The following MOB3B variants were observed in gnomAD, a reference collection of about 807,000 sequenced individuals.
MOB3B encodes MOB kinase activator-like 2B.
In MOB3B, 7 loss-of-function variants were observed where a neutral mutation model predicts 18.7. The observed-to-expected ratio is 0.37, with a 90% CI of 0.21 to 0.70. MOB3B has a LOEUF of 0.70. Ranked by LOEUF, MOB3B falls within the 30% of genes least tolerant of loss-of-function variation. The pLI is 0.52. For synonymous variants in MOB3B, 111 were observed against 99.9 expected (o/e 1.11, Z -0.66); for missense variants, 253 against 281.3 (o/e 0.90, Z 0.72).
At chr9:27,428,389 T>C (rs114640875) in intron 2 of MOB3B, among the ~76,000 whole-genome samples, 5,324 of 152,252 alleles carry the variant, frequency 0.035, 280 homozygotes, top group African/African-American at 0.12. Flanking sequence ...ATGCCTGAAG[T>C]ACAACGTAGT....
At chr9:27,459,045 G>A (rs1383074919) in intron 1 of MOB3B, among the ~76,000 whole-genome samples, 1 of 151,738 alleles carries the variant, frequency 6.6e-6, no homozygotes, top group Non-Finnish European at 1.5e-5. Flanking sequence ...TGGCAATCCA[G>A]GATGGATAAT....
intron 2 of MOB3B, among the ~76,000 whole-genome samples, chr9:27,377,577 C>G (rs1305607321): frequency 2.6e-5 from 4 of 152,174 alleles, no homozygotes; most frequent in Non-Finnish European, 4.4e-5. Flanking sequence ...GCTGCACCCC[C>G]AGAGTTTCAG....
At chr9:27,346,316 G>A (rs1433129133) in intron 3 of MOB3B, among the ~76,000 whole-genome samples, 2 of 152,202 alleles carry the variant, frequency 1.3e-5, no homozygotes, top group African/African-American at 2.4e-5. Flanking sequence ...TTGTGTTATA[G>A]CAGCCCGAAT....
At chr9:27,340,353 A>G (rs966307635) in intron 3 of MOB3B, among the ~76,000 whole-genome samples, 4 of 152,232 alleles carry the variant, frequency 2.6e-5, no homozygotes, top group Non-Finnish European at 4.4e-5. Flanking sequence ...CCCTGCAAAC[A>G]TTAAAAATAA....
intron 3 of MOB3B, among the ~76,000 whole-genome samples, chr9:27,344,175 A>G (rs1305710288): frequency 6.6e-6 from 1 of 152,196 alleles, no homozygotes; most frequent in Non-Finnish European, 1.5e-5. Flanking sequence ...ATTTTTACAC[A>G]TAAGGCCATT....
At chr9:27,370,816 T>C (rs1237602921) in intron 2 of MOB3B, among the ~76,000 whole-genome samples, 1 of 152,220 alleles carries the variant, frequency 6.6e-6, no homozygotes, top group Non-Finnish European at 1.5e-5. Flanking sequence ...TTCCCCTGCT[T>C]GGGTTCCCCT....
chr9:27,446,141 C>T (rs188015357), intron 2 of MOB3B, among the ~76,000 whole-genome samples: 14 of 152,244 alleles, frequency 9.2e-5, no homozygotes, highest in South Asian at 2.1e-4. Flanking sequence ...AAGGCCTCTT[C>T]GCCAAGTTTT....
chr9:27,412,684 A>G (rs986126279), intron 2 of MOB3B, among the ~76,000 whole-genome samples: 7 of 152,236 alleles, frequency 4.6e-5, no homozygotes, highest in African/African-American at 1.4e-4. Flanking sequence ...TAGGAAGAGA[A>G]AGAAGACAGT....
intron 1 of MOB3B, among the ~76,000 whole-genome samples, chr9:27,508,630 C>T (rs1030675384): frequency 2.6e-5 from 4 of 151,808 alleles, no homozygotes; most frequent in African/African-American, 4.8e-5. Flanking sequence ...CACAAAAAAA[C>T]GAGTGAGATA....
chr9:27,381,056 CTCCTG>C (rs1347767561), intron 2 of MOB3B, among the ~76,000 whole-genome samples: 9 of 152,150 alleles, frequency 5.9e-5, no homozygotes, highest in Non-Finnish European at 1.2e-4. Context: ...AGGTTTCAGG[CTCCTG>C]AGCTGACAAG....
intron 1 of MOB3B, among the ~76,000 whole-genome samples, chr9:27,511,603 T>A (rs889770034): frequency 4.6e-5 from 7 of 152,130 alleles, no homozygotes; most frequent in African/African-American, 1.7e-4. Context: ...TTAAAAAAAA[T>A]AGCAAATTAA....
intron 3 of MOB3B, among the ~76,000 whole-genome samples, chr9:27,346,764 G>A (rs543200810): frequency 6.6e-6 from 1 of 152,300 alleles, no homozygotes; most frequent in East Asian, 1.9e-4. Flanking sequence ...GGAGGTCGAG[G>A]TGGATGGATC....
At chr9:27,470,094 T>C (rs1563876546) in intron 1 of MOB3B, among the ~76,000 whole-genome samples, 2 of 115,590 alleles carry the variant, frequency 1.7e-5, no homozygotes, top group Non-Finnish European at 3.4e-5. Flanking sequence ...GGGCACAGAG[T>C]GAGACCCTGT....
intron 2 of MOB3B, among the ~76,000 whole-genome samples, chr9:27,434,284 C>T (rs961323137): frequency 4.6e-5 from 7 of 152,172 alleles, no homozygotes; most frequent in African/African-American, 1.7e-4. Flanking sequence ...TCTTTCAACC[C>T]CCTCCTCTTG....
intron 2 of MOB3B, among the ~76,000 whole-genome samples, chr9:27,363,256 T>G (rs531697314): frequency 7.3e-4 from 111 of 152,102 alleles, no homozygotes; most frequent in Middle Eastern, 3.4e-3. Context: ...TTATTTCAGG[T>G]TTTTCGTTTT....
intron 2 of MOB3B, among the ~76,000 whole-genome samples, chr9:27,368,992 C>T (rs115239107): frequency 0.033 from 5,002 of 152,224 alleles, 159 homozygotes; most frequent in African/African-American, 0.081. Context: ...CAAGATAACC[C>T]GTGAAAGATA....
intron 2 of MOB3B, among the ~76,000 whole-genome samples, chr9:27,370,365 G>A (rs1026865809): frequency 5.9e-5 from 9 of 152,078 alleles, no homozygotes; most frequent in Middle Eastern, 3.4e-3. Context: ...AAAATTAGCC[G>A]GGCATGGTGG....
intron 1 of MOB3B, chr9:27,524,673 C>T (rs763352206): frequency 6.2e-7 from 1 of 1,613,950 alleles, no homozygotes; most frequent in East Asian, 2.2e-5. Context: ...ACACCTCAAA[C>T]AAATCCAAAT....
intron 2 of MOB3B, among the ~76,000 whole-genome samples, chr9:27,367,669 G>A (rs1821358364): frequency 6.6e-6 from 1 of 152,180 alleles, no homozygotes; most frequent in East Asian, 1.9e-4. Context: ...AATGGCAGCC[G>A]ATGTTACCAA....
Sources: gnomAD v4.1 joint callset for allele counts (sites outside exome capture counted in the v4.1 genomes callset) on GRCh38, gnomAD v4.1.1 for gene constraint, MANE v1.5 for transcripts, NCBI Gene and HGNC (gene_info 2026-07-23, HGNC 2026-07-21) for gene names.